Variants in NCKAP5 observed in about 807,000 individuals in gnomAD.
NCKAP5 encodes the protein NCK associated protein 5.
A neutral mutation model predicts 167.0 loss-of-function variants in NCKAP5; 92 were observed. The ratio of observed to expected loss-of-function variants is 0.55; its 90% CI spans 0.47 to 0.66. The LOEUF (loss-of-function observed/expected upper bound fraction) is 0.66, where lower values mean the gene tolerates loss of function less well. Among genes scored for constraint, NCKAP5 ranks in the 30% least tolerant of loss-of-function variants. The pLI is 0.00. For synonymous variants in NCKAP5, 891 were observed against 877.4 expected (o/e 1.02, Z -0.27); for missense variants, 2,378 against 2,315.0 (o/e 1.03, Z -0.56).
the NCKAP5 span, among the ~76,000 whole-genome samples, chr2:133,669,841 C>T: frequency 6.6e-6 from 1 of 152,200 alleles, no homozygotes; most frequent in Non-Finnish European, 1.5e-5. Flanking sequence ...TTCTTCAAAA[C>T]ACTTATCTAT....
At position 133,213,741 on chromosome 2, in the gene NCKAP5, G is replaced by A. The variant is rs1559275991; in HGVS notation, c.182C>T (p.Ala61Val). Residue 61 changes from alanine (A) to valine (V), a missense_variant, in exon 5 of 20, where the codon GCC becomes GTC. By Grantham distance (64) the Ala-to-Val change is moderately conservative. Around this residue, in one of 3 missense-constraint regions of NCKAP5, gnomAD observed 1,049 missense variants for 1,023.4 expected, o/e 1.02. Coordinates refer to ENST00000409261, the MANE Select transcript of NCKAP5 (RefSeq NM_207363.3). ...CATGGCCCCCTCACTTGTTCTTTGG[G>A]CAACTTCTCGCTGTAGTCGGGCCAC... is the stretch of plus-strand genomic sequence containing the variant. ...LAVARLQREV[A>V]QRTSEGAMHE... The A allele has an allele frequency of 5.0e-6, 8 of 1,613,742 alleles. No homozygotes were observed. Among genetic ancestry groups the A allele is most frequent in the Non-Finnish European group, 6.8e-6 (8 of 1,179,790 alleles).
At chr2:133,510,337 CA>C (rs1683378669) in intron 3 of NCKAP5, among the ~76,000 whole-genome samples, 1 of 152,148 alleles carries the variant, frequency 6.6e-6, no homozygotes, top group South Asian at 2.1e-4. Context: ...ACGCCATAAT[CA>C]GTTCTCATAT....
rs75091714 is a variant in NCKAP5, at chr2:132,986,495, G to C, written c.429+7657C>G. Reference sequence around the variant, plus strand: ...TGTTGCAAGTCCCTCAGGTGATTCTGATACTCAGTCAGGGCTGAGATGAAC... The same window carrying C: ...TGTTGCAAGTCCCTCAGGTGATTCTCATACTCAGTCAGGGCTGAGATGAAC... On this transcript the variant is annotated intron_variant, in intron 7 of 19. Transcript: ENST00000409261. 2.0e-5 allele frequency among the ~76,000 whole-genome samples: 3 copies of C among 152,272 alleles called. No homozygotes were observed. The East Asian group carries it at 5.8e-4, about 29-fold the overall frequency.
At chr2:132,835,193 T>A (rs1354923286) in intron 11 of NCKAP5, among the ~76,000 whole-genome samples, 1 of 152,228 alleles carries the variant, frequency 6.6e-6, no homozygotes, top group Non-Finnish European at 1.5e-5. Flanking sequence ...ATCCCTTTGA[T>A]GTGCTGTTGG....
chr2:133,502,876 G>T (rs531820308), intron 3 of NCKAP5, among the ~76,000 whole-genome samples: 1 of 152,230 alleles, frequency 6.6e-6, no homozygotes, highest in Admixed American at 6.5e-5. Flanking sequence ...AAGTGTGCCT[G>T]GGGAGTGAGG....
the NCKAP5 span, among the ~76,000 whole-genome samples, chr2:133,673,486 C>T: frequency 2.0e-5 from 3 of 152,202 alleles, no homozygotes; most frequent in African/African-American, 4.8e-5. Flanking sequence ...TATTCCCTCC[C>T]ACTCTGGAGC....
chr2:133,605,469 C>T, the NCKAP5 span, among the ~76,000 whole-genome samples: 41 of 152,078 alleles, frequency 2.7e-4, no homozygotes, highest in South Asian at 4.2e-4. Flanking sequence ...GATGAAGACC[C>T]GGGGTGTGTG....
intron 6 of NCKAP5, among the ~76,000 whole-genome samples, chr2:133,050,874 C>T (rs1309400901): frequency 6.6e-6 from 1 of 152,080 alleles, no homozygotes; most frequent in Non-Finnish European, 1.5e-5. Flanking sequence ...TTCTTTGTCT[C>T]GATTTTATCA....
chr2:132,965,904 T>TGTG (rs564718652), intron 7 of NCKAP5, among the ~76,000 whole-genome samples: 1 of 140,870 alleles, frequency 7.1e-6, no homozygotes, highest in African/African-American at 2.6e-5. Flanking sequence ...ACATGACTCT[T>TGTG]TGTGTGTGTG....
At chr2:132,738,734 G>T (rs1442641578) in intron 16 of NCKAP5, among the ~76,000 whole-genome samples, 1 of 152,014 alleles carries the variant, frequency 6.6e-6, no homozygotes, top group Non-Finnish European at 1.5e-5. Flanking sequence ...TCAGCTTCTG[G>T]TAAGGCCTCA....
the NCKAP5 span, among the ~76,000 whole-genome samples, chr2:133,605,081 C>G: frequency 6.6e-6 from 1 of 152,172 alleles, no homozygotes; most frequent in African/African-American, 2.4e-5. Context: ...ACAGATTTAT[C>G]TACCTCCCCG....
At chr2:133,309,061 C>G (rs1418435501) in intron 3 of NCKAP5, among the ~76,000 whole-genome samples, 1 of 152,036 alleles carries the variant, frequency 6.6e-6, no homozygotes, top group Non-Finnish European at 1.5e-5. Context: ...AAGTAGAAAA[C>G]AGTGTAATGC....
intron 3 of NCKAP5, among the ~76,000 whole-genome samples, chr2:133,383,559 T>C (rs546105003): frequency 2.4e-4 from 36 of 152,360 alleles, no homozygotes; most frequent in African/African-American, 8.7e-4. Flanking sequence ...GCATGATTTA[T>C]ATTCCTTTGG....
intron 4 of NCKAP5, among the ~76,000 whole-genome samples, chr2:133,223,286 C>A (rs2086732734): frequency 6.6e-6 from 1 of 152,124 alleles, no homozygotes; most frequent in African/African-American, 2.4e-5. Context: ...TCAACCTTCC[C>A]CATTTCTGGT....
Position 132,728,920 on chromosome 2 carries a change from C to T in NCKAP5, c.5476G>A (p.Glu1826Lys), listed in dbSNP as rs201191472. 17 of 1,613,952 alleles carry T rather than the reference C, an allele frequency of 1.1e-5. No homozygotes were observed. The East Asian group carries it at 3.6e-4, about 34-fold the overall frequency. Residue 1826 changes from glutamate (E) to lysine (K), a missense_variant, in exon 18 of 20, where the codon GAG becomes AAG. By Grantham distance (56) the Glu-to-Lys change is moderately conservative. This residue lies in a region of NCKAP5 where 1,325 missense variants were observed against 1,274.5 expected (regional missense o/e 1.04). Coordinates refer to ENST00000409261, the MANE Select transcript of NCKAP5 (RefSeq NM_207363.3). The part of the protein sequence containing the change: ...KVSSQKQNEA[E>K]PRPQTCSSFG... ...GATGAGCATGTCTGAGGCCTTGGCT[C>T]TGCTTCATTCTGCTTTTGGGAACTG... is the stretch of plus-strand genomic sequence containing the variant.
intron 3 of NCKAP5, among the ~76,000 whole-genome samples, chr2:133,428,776 C>A (rs749873169): frequency 6.6e-6 from 1 of 151,958 alleles, no homozygotes; most frequent in East Asian, 1.9e-4. Flanking sequence ...CTGGACAATA[C>A]GTATTTGAAA....
chr2:132,816,433 G>C (rs764954291), intron 11 of NCKAP5, among the ~76,000 whole-genome samples: 1 of 152,154 alleles, frequency 6.6e-6, no homozygotes, highest in Non-Finnish European at 1.5e-5. Flanking sequence ...GGAGCGGCTT[G>C]CTGGAAGCCC....
At chr2:133,568,002 G>A (rs1688690152) in intron 1 of NCKAP5, among the ~76,000 whole-genome samples, 1 of 152,116 alleles carries the variant, frequency 6.6e-6, no homozygotes, top group Non-Finnish European at 1.5e-5. Context: ...TCTGCATCCT[G>A]GTATTTGTTC....
intron 5 of NCKAP5, among the ~76,000 whole-genome samples, chr2:133,186,434 T>G (rs1346600349): frequency 6.6e-6 from 1 of 152,142 alleles, no homozygotes; most frequent in Non-Finnish European, 1.5e-5. Flanking sequence ...ACTGTGTCTC[T>G]GCAAGGTTTT....
Sources: gnomAD v4.1 joint callset for allele counts (sites outside exome capture counted in the v4.1 genomes callset) on GRCh38, gnomAD v4.1.1 for gene constraint, gnomAD v4.1.1 regional missense constraint, MANE v1.5 for transcripts, NCBI Gene and HGNC (gene_info 2026-07-23, HGNC 2026-07-21) for gene names.